The following SLA2 variants were observed in gnomAD, a reference collection of about 807,000 sequenced individuals.
SLA2 encodes the protein src-like-adapter 2.
Under a neutral mutation model 27.3 loss-of-function variants are expected in SLA2, and 22 were observed. The observed-to-expected ratio is 0.81, with a 90% CI of 0.58 to 1.15. SLA2 has a LOEUF of 1.15. SLA2 is among the 50% of genes most tolerant of loss of function. The pLI is 0.00. For missense variants in SLA2, 304 were observed against 322.2 expected, an observed-to-expected ratio of 0.94 and a Z score of 0.43; for synonymous variants, 131 against 137.8, an observed-to-expected ratio of 0.95 and a Z score of 0.34.
chr20:36,626,606 G>A (rs1212469874), intron 5 of SLA2, among the ~76,000 whole-genome samples: 5 of 151,248 alleles, frequency 3.3e-5, no homozygotes, highest in Non-Finnish European at 7.4e-5. Flanking sequence ...CCAGCACTTT[G>A]GGAGGCCCAG....
At chr20:36,633,203 C>T (rs1218269826) in intron 4 of SLA2, among the ~76,000 whole-genome samples, 1 of 152,204 alleles carries the variant, frequency 6.6e-6, no homozygotes, top group Non-Finnish European at 1.5e-5. Flanking sequence ...TCCCTAGTAG[C>T]TGGGACTACA....
At chr20:36,643,151 A>T (rs1978284993) in intron 1 of SLA2, among the ~76,000 whole-genome samples, 1 of 152,242 alleles carries the variant, frequency 6.6e-6, no homozygotes, top group Non-Finnish European at 1.5e-5. Flanking sequence ...AGCACTCAGC[A>T]CACATTAACT....
intron 5 of SLA2, among the ~76,000 whole-genome samples, chr20:36,625,981 T>C (rs2039332848): frequency 6.6e-6 from 1 of 151,008 alleles, no homozygotes; most frequent in South Asian, 2.1e-4. Context: ...AAAAATTACC[T>C]GGGCCAGACA....
At chr20:36,634,376 C>T (rs530296742) in intron 3 of SLA2, 114 bp downstream of exon 3, 37 of 739,912 alleles carry the variant, frequency 5.0e-5, no homozygotes, top group Non-Finnish European at 7.3e-5. Flanking sequence ...CTTGAGCTCC[C>T]GAGCTCCAGC....
chr20:36,632,763 T>G (rs2039405437), intron 4 of SLA2, 65 bp from the exon 5 acceptor site: 1 of 1,307,866 alleles, frequency 7.6e-7, no homozygotes, highest in South Asian at 1.2e-5. Flanking sequence ...AGCCAAGATT[T>G]TACCACCACC....
chr20:36,638,504 T>A (rs955937161), intron 2 of SLA2, among the ~76,000 whole-genome samples: 1 of 151,936 alleles, frequency 6.6e-6, no homozygotes, highest in Non-Finnish European at 1.5e-5. Context: ...AGTTTTTGTA[T>A]TTTTAGTAGA....
rs1457716909 is a variant in SLA2, at chr20:36,634,471, C to T, written c.191+19G>A. The T allele has an allele frequency of 6.4e-7, 1 of 1,569,536 alleles. No individual in the cohort carries two copies. The highest frequency in any genetic ancestry group is 8.7e-7 in the Non-Finnish European group (1 of 1,145,160). On this transcript the variant is annotated intron_variant, in intron 3 of 7. Transcript: ENST00000262866. ...GCTCTATTAGTGCATATTCAGGTAT[C>T]CAGTGCCCATGGACTTACTCAGAGA...
chr20:36,619,196 G>C (rs2039250323), intron 5 of SLA2, among the ~76,000 whole-genome samples: 1 of 144,440 alleles, frequency 6.9e-6, no homozygotes. Context: ...ACTCCAGCTT[G>C]GGCAATGGAG....
chr20:36,625,724 A>T (rs2039330275), intron 5 of SLA2, among the ~76,000 whole-genome samples: 1 of 151,264 alleles, frequency 6.6e-6, no homozygotes, highest in Admixed American at 6.6e-5. Flanking sequence ...CTACTCAAGA[A>T]GCTGAGGTGG....
At chr20:36,624,467 T>C (rs1355565785) in intron 5 of SLA2, among the ~76,000 whole-genome samples, 3 of 152,238 alleles carry the variant, frequency 2.0e-5, no homozygotes, top group African/African-American at 4.8e-5. Context: ...TCTTTTCTTA[T>C]TTGTTTACTG....
intron 5 of SLA2, among the ~76,000 whole-genome samples, chr20:36,625,985 C>T (rs2039332909): frequency 6.6e-6 from 1 of 151,732 alleles, no homozygotes; most frequent in East Asian, 1.9e-4. Context: ...ATTACCTGGG[C>T]CAGACATGGT....
At chr20:36,622,736 GTC>G (rs2039297438) in intron 5 of SLA2, among the ~76,000 whole-genome samples, 1 of 152,076 alleles carries the variant, frequency 6.6e-6, no homozygotes, top group Non-Finnish European at 1.5e-5. Context: ...GCATCTTCCT[GTC>G]TCTAACTCTC....
In SLA2 at chr20:36,612,691, C is replaced by CTCTT. The variant is rs894981768; in HGVS notation, c.*1171_*1174dup. The CTCTT allele has an allele frequency of 1.8e-5, 4 of 216,670 alleles. No homozygotes were observed. The Admixed American group carries it at 2.1e-4, about 11-fold the overall frequency. The allele number at this position is 216,670 out of a possible 1,614,324, so 13.4% of individuals were successfully genotyped here. The stretch of plus-strand genomic sequence containing the variant: ...TGATCCCTTAGCGGATCCAGCAGAC[C>CTCTT]TCTTTCTGTTTATGGAGGCAGCAGG... On this transcript the variant is annotated 3_prime_UTR_variant, in exon 8 of 8. Coordinates refer to ENST00000262866, the MANE Select transcript of SLA2 (RefSeq NM_032214.4).
intron 5 of SLA2, among the ~76,000 whole-genome samples, chr20:36,617,183 C>T (rs2039222592): frequency 6.6e-6 from 1 of 151,426 alleles, no homozygotes; most frequent in Non-Finnish European, 1.5e-5. Flanking sequence ...TGTGGCGAAA[C>T]CCTGCCTCTA....
chr20:36,616,828 C>T (rs1055549876), intron 5 of SLA2, among the ~76,000 whole-genome samples: 1 of 152,148 alleles, frequency 6.6e-6, no homozygotes, highest in Non-Finnish European at 1.5e-5. Flanking sequence ...GGCAGTGGCT[C>T]ACGCCTGTAA....
At chr20:36,630,397 C>T (rs2039381959) in intron 5 of SLA2, among the ~76,000 whole-genome samples, 1 of 152,200 alleles carries the variant, frequency 6.6e-6, no homozygotes, top group South Asian at 2.1e-4. Flanking sequence ...AGGGTCCCGA[C>T]AGCCTATCAC....
At position 36,613,561 on chromosome 20, in the gene SLA2, A is replaced by C. The variant is rs1600812622; in HGVS notation, c.*305T>G. ...GCATCCAGATGGTACTGGAAACCCC[A>C]AACTCAAGAACTAACTAGGTCAGAC... On this transcript the variant is annotated 3_prime_UTR_variant, in exon 8 of 8. Coordinates refer to ENST00000262866, the MANE Select transcript of SLA2 (RefSeq NM_032214.4). The C allele has an allele frequency of 4.0e-6, 1 of 248,216 alleles. No individual in the cohort carries two copies. Among genetic ancestry groups the C allele is most frequent in the East Asian group, 8.7e-5 (1 of 11,516 alleles). 15.4% of individuals were successfully genotyped at this position (248,216 alleles called of 1,614,324 possible). A position where few individuals can be genotyped will look rare whatever the true frequency, so the allele number is the denominator to read the frequency against.
At chr20:36,629,829 C>CA (rs1278059506) in intron 5 of SLA2, among the ~76,000 whole-genome samples, 1 of 151,826 alleles carries the variant, frequency 6.6e-6, no homozygotes, top group Non-Finnish European at 1.5e-5. Flanking sequence ...TCCCAGCTAC[C>CA]AGGGAGGCTG....
intron 1 of SLA2, among the ~76,000 whole-genome samples, chr20:36,644,896 T>C (rs568505588): frequency 7.1e-6 from 1 of 141,168 alleles, no homozygotes; most frequent in South Asian, 2.4e-4. Flanking sequence ...TTTTTCAGTA[T>C]CTCACTTGGG....
Sources: allele counts gnomAD v4.1 joint callset (sites outside exome capture counted in the v4.1 genomes callset), GRCh38; gene constraint gnomAD v4.1.1; transcripts MANE v1.5; gene names NCBI Gene and HGNC (gene_info 2026-07-23, HGNC 2026-07-21).